Variants in SIPA1L1 observed in about 807,000 individuals in gnomAD.
SIPA1L1 encodes the protein signal induced proliferation associated 1 like 1.
Under a neutral mutation model 162.7 loss-of-function variants are expected in SIPA1L1, and 26 were observed. That is an observed-to-expected ratio of 0.16 (90% confidence interval 0.12 to 0.22). The LOEUF (loss-of-function observed/expected upper bound fraction) is 0.22. SIPA1L1 is among the 10% of genes least tolerant of loss of function. The probability of loss-of-function intolerance (pLI) is 1.00; values close to 1 mark genes in which losing one functional copy is unlikely to be tolerated. For missense variants in SIPA1L1, 1,874 were observed against 2,241.0 expected, an observed-to-expected ratio of 0.84 and a Z score of 3.31; for synonymous variants, 829 against 837.4, an observed-to-expected ratio of 0.99 and a Z score of 0.17.
intron 2 of SIPA1L1, among the ~76,000 whole-genome samples, chr14:71,457,387 C>T (rs1405343195): frequency 6.6e-6 from 1 of 151,868 alleles, no homozygotes; most frequent in African/African-American, 2.4e-5. Context: ...GCAACCTCCG[C>T]CTCCCGGTTC....
At chr14:71,404,478 A>G (rs1338937072) in intron 2 of SIPA1L1, among the ~76,000 whole-genome samples, 1 of 152,124 alleles carries the variant, frequency 6.6e-6, no homozygotes, top group East Asian at 1.9e-4. Context: ...CAGGAGGTGG[A>G]GGTTGCAGTG....
intron 2 of SIPA1L1, among the ~76,000 whole-genome samples, chr14:71,354,935 T>A (rs1413939955): frequency 6.6e-6 from 1 of 152,140 alleles, no homozygotes; most frequent in African/African-American, 2.4e-5. Context: ...GCTTGCTGAG[T>A]GCCTGGAGAC....
At chr14:71,602,913 A>AT (rs1173119953) in intron 5 of SIPA1L1, among the ~76,000 whole-genome samples, 2 of 152,200 alleles carry the variant, frequency 1.3e-5, no homozygotes, top group Non-Finnish European at 2.9e-5. Context: ...CCATGGAAAA[A>AT]TTGTCTTCCA....
At chr14:71,431,610 C>G (rs932458249) in intron 2 of SIPA1L1, among the ~76,000 whole-genome samples, 8 of 152,062 alleles carry the variant, frequency 5.3e-5, no homozygotes, top group Non-Finnish European at 1.0e-4. Flanking sequence ...GGGAGGATTG[C>G]TTGAGTCTGG....
intron 2 of SIPA1L1, chr14:71,497,808 A>G (rs556815309): frequency 6.6e-6 from 1 of 152,322 alleles, no homozygotes; most frequent in Non-Finnish European, 1.5e-5. Flanking sequence ...TGCTATGAAC[A>G]TTTGTGTCCA....
intron 2 of SIPA1L1, among the ~76,000 whole-genome samples, chr14:71,398,080 A>G (rs1451028793): frequency 4.8e-5 from 6 of 124,142 alleles, no homozygotes; most frequent in Non-Finnish European, 7.7e-5. Flanking sequence ...CAGTGGCGCT[A>G]TCTCTGCTCA....
At chr14:71,367,079 C>T (rs1162833295) in intron 2 of SIPA1L1, among the ~76,000 whole-genome samples, 1 of 152,028 alleles carries the variant, frequency 6.6e-6, no homozygotes, top group Non-Finnish European at 1.5e-5. Flanking sequence ...ATGTATGTGA[C>T]ATACATTTTT....
intron 2 of SIPA1L1, among the ~76,000 whole-genome samples, chr14:71,498,389 G>A (rs2049952686): frequency 6.6e-6 from 1 of 152,034 alleles, no homozygotes; most frequent in African/African-American, 2.4e-5. Context: ...ACTTCCATTC[G>A]GTTTTTGGTT....
intron 2 of SIPA1L1, among the ~76,000 whole-genome samples, chr14:71,401,346 C>CT (rs2041656322): frequency 6.7e-6 from 1 of 149,492 alleles, no homozygotes; most frequent in Admixed American, 6.7e-5. Flanking sequence ...CTGAATACCT[C>CT]TTTTTTACTT....
chr14:71,677,851 G>A (rs1438989221), intron 12 of SIPA1L1, among the ~76,000 whole-genome samples: 1 of 152,224 alleles, frequency 6.6e-6, no homozygotes, highest in Non-Finnish European at 1.5e-5. Flanking sequence ...TTTGGTACCA[G>A]TACCATGCTG....
intron 2 of SIPA1L1, among the ~76,000 whole-genome samples, chr14:71,512,207 T>C (rs2051214315): frequency 1.3e-5 from 2 of 152,122 alleles, no homozygotes; most frequent in Non-Finnish European, 2.9e-5. Flanking sequence ...AACTCTGACC[T>C]TTTTGTCTCT....
chr14:71,697,234 C>T (rs1399370612), intron 13 of SIPA1L1, among the ~76,000 whole-genome samples: 3 of 152,126 alleles, frequency 2.0e-5, no homozygotes, highest in African/African-American at 7.2e-5. Flanking sequence ...ACCCAGGCTG[C>T]AGGTGAGAGA....
chr14:71,578,649 A>C (rs759292630), intron 4 of SIPA1L1, among the ~76,000 whole-genome samples: 1 of 152,234 alleles, frequency 6.6e-6, no homozygotes, highest in African/African-American at 2.4e-5. Context: ...AATGTTATTA[A>C]GAAAATCATC....
intron 2 of SIPA1L1, among the ~76,000 whole-genome samples, chr14:71,427,401 T>A (rs1300099023): frequency 2.6e-5 from 4 of 152,212 alleles, no homozygotes; most frequent in African/African-American, 9.6e-5. Context: ...AAACTGCTAA[T>A]AATCTTAGGA....
At chr14:71,530,903 A>G (rs1359867235) in intron 4 of SIPA1L1, among the ~76,000 whole-genome samples, 1 of 152,242 alleles carries the variant, frequency 6.6e-6, no homozygotes, top group Non-Finnish European at 1.5e-5. Flanking sequence ...TAAATTGAGG[A>G]TCGCTGAAAG....
At chr14:71,324,674 C>T (rs1032249507) in intron 2 of SIPA1L1, among the ~76,000 whole-genome samples, 4 of 152,196 alleles carry the variant, frequency 2.6e-5, no homozygotes, top group African/African-American at 9.7e-5. Flanking sequence ...TTTATTTGCA[C>T]AGAGCATAAT....
chr14:71,428,096 G>A (rs1423796271), intron 2 of SIPA1L1, among the ~76,000 whole-genome samples: 3 of 151,778 alleles, frequency 2.0e-5, no homozygotes, highest in Admixed American at 2.0e-4. Flanking sequence ...AGATTCAAGC[G>A]ATTCTCCTGC....
chr14:71,373,657 CAAAA>C (rs34113031), intron 2 of SIPA1L1, among the ~76,000 whole-genome samples: 2 of 83,700 alleles, frequency 2.4e-5, no homozygotes, highest in African/African-American at 9.2e-5. Context: ...ACTCTGTCTC[CAAAA>C]AAAAAAAAAA....
intron 2 of SIPA1L1, among the ~76,000 whole-genome samples, chr14:71,416,775 G>GTA (rs779909500): frequency 6.7e-6 from 1 of 150,172 alleles, no homozygotes; most frequent in Non-Finnish European, 1.5e-5. Context: ...ACACAACCTT[G>GTA]TATATATATA....
Sources: gnomAD v4.1 joint callset for allele counts (sites outside exome capture counted in the v4.1 genomes callset) on GRCh38, gnomAD v4.1.1 for gene constraint, MANE v1.5 for transcripts, NCBI Gene and HGNC (gene_info 2026-07-23, HGNC 2026-07-21) for gene names.